Variants in NLK observed in about 807,000 individuals in gnomAD.
NLK encodes nemo like kinase, also known as serine/threonine-protein kinase NLK.
A neutral mutation model predicts 59.0 loss-of-function variants in NLK; 11 were observed. The observed-to-expected ratio is 0.19, with a 90% CI of 0.12 to 0.31. The LOEUF (loss-of-function observed/expected upper bound fraction) is 0.31, where lower values mean the gene tolerates loss of function less well. Ranked by LOEUF, NLK falls within the 10% of genes least tolerant of loss-of-function variation. The pLI is 1.00. For synonymous variants in NLK, 235 were observed against 235.9 expected (o/e 1.00, Z 0.03); for missense variants, 410 against 661.1 (o/e 0.62, Z 4.16).
chr17:28,171,744 AC>A lies in NLK; in HGVS notation c.1048-772del, dbSNP rs567725199. On this transcript the variant is annotated intron_variant, in intron 6 of 10. Coordinates refer to ENST00000407008, the MANE Select transcript of NLK (RefSeq NM_016231.5). ...TTGAAGCATCAGAATCCATTCATTA[AC>A]TGTTTGGAAAGAATAGTCATTAGGC... is the stretch of plus-strand genomic sequence containing the variant. 1.6e-3 allele frequency among the ~76,000 whole-genome samples: 237 copies of A among 152,284 alleles called. 1 individual carries two copies. The highest frequency in any genetic ancestry group is 5.0e-3 in the African/African-American group (206 of 41,556).
At chr17:28,058,134 AGCTGGAGT>A (rs1205852109) in intron 1 of NLK, among the ~76,000 whole-genome samples, 1 of 152,244 alleles carries the variant, frequency 6.6e-6, no homozygotes, top group Non-Finnish European at 1.5e-5. Flanking sequence ...AGAATGAGGT[AGCTGGAGT>A]GCAAATCTAA....
chr17:28,154,611 TATAAA>T (rs991825433), intron 3 of NLK, among the ~76,000 whole-genome samples: 2 of 152,210 alleles, frequency 1.3e-5, no homozygotes, highest in Non-Finnish European at 2.9e-5. Flanking sequence ...TTTGAAATGA[TATAAA>T]AGAATATATA....
At chr17:28,099,908 G>T (rs1034517810) in intron 1 of NLK, among the ~76,000 whole-genome samples, 1 of 152,048 alleles carries the variant, frequency 6.6e-6, no homozygotes, top group Non-Finnish European at 1.5e-5. Context: ...ATAATGTTTT[G>T]AGATCCATCC....
At chr17:28,090,686 CAT>C (rs1253530936) in intron 1 of NLK, among the ~76,000 whole-genome samples, 3 of 152,022 alleles carry the variant, frequency 2.0e-5, no homozygotes, top group African/African-American at 7.2e-5. Flanking sequence ...TTGTTAAAAA[CAT>C]AGCGGGAGCT....
intron 3 of NLK, among the ~76,000 whole-genome samples, chr17:28,160,832 C>CT (rs1907975884): frequency 6.6e-6 from 1 of 152,162 alleles, no homozygotes; most frequent in Non-Finnish European, 1.5e-5. Flanking sequence ...TGTAATATGT[C>CT]TAAGTAGAGC....
At chr17:28,048,182 G>A (rs575642858) in intron 1 of NLK, 2 of 377,744 alleles carry the variant, frequency 5.3e-6, no homozygotes, top group East Asian at 7.5e-5. Context: ...AAAGAGTAGA[G>A]AATAAAAGTA....
At chr17:28,135,096 C>T (rs934049127) in intron 3 of NLK, among the ~76,000 whole-genome samples, 1 of 152,144 alleles carries the variant, frequency 6.6e-6, no homozygotes, top group Admixed American at 6.5e-5. Flanking sequence ...GAAAGAAATC[C>T]ATATAGTAGC....
chr17:28,107,068 C>G (rs1905196919), intron 1 of NLK, among the ~76,000 whole-genome samples: 2 of 152,062 alleles, frequency 1.3e-5, no homozygotes, highest in Admixed American at 1.3e-4. Context: ...ACACTAGTTG[C>G]AATAGGAAGC....
intron 2 of NLK, among the ~76,000 whole-genome samples, chr17:28,128,940 T>C (rs1003497987): frequency 4.6e-5 from 7 of 152,204 alleles, no homozygotes; most frequent in East Asian, 1.9e-4. Flanking sequence ...CTTTGTGATA[T>C]AGTCCAGTTC....
chr17:28,066,201 A>G (rs1298744226), intron 1 of NLK, among the ~76,000 whole-genome samples: 1 of 151,816 alleles, frequency 6.6e-6, no homozygotes, highest in Non-Finnish European at 1.5e-5. Flanking sequence ...CCTAAATTCA[A>G]CCCTCATCCT....
At chr17:28,142,030 C>A (rs1445935503) in intron 3 of NLK, among the ~76,000 whole-genome samples, 1 of 152,182 alleles carries the variant, frequency 6.6e-6, no homozygotes, top group African/African-American at 2.4e-5. Context: ...CTTGCCTTGC[C>A]TTCTCCAGAG....
At chr17:28,163,849 G>A (rs540581203) in intron 5 of NLK, among the ~76,000 whole-genome samples, 18 of 152,244 alleles carry the variant, frequency 1.2e-4, no homozygotes, top group African/African-American at 4.3e-4. Context: ...CACTGAAATT[G>A]GAATTGTAGT....
At chr17:28,120,684 GTGT>G (rs1567719536) in intron 1 of NLK, among the ~76,000 whole-genome samples, 1 of 152,030 alleles carries the variant, frequency 6.6e-6, no homozygotes, top group Non-Finnish European at 1.5e-5. Flanking sequence ...TGAAGTCATC[GTGT>G]TGTTAAAAAA....
rs150994723 is a variant in NLK at position 28,116,777 on chromosome 17, A to G, written c.459-5826A>G. ...AATATAAATTTTTTTCTAGTCCTCA[A>G]TGTTCCTATTACTGAACACATATCT... On this transcript the variant is annotated intron_variant, in intron 1 of 10. Coordinates refer to ENST00000407008, the MANE Select transcript of NLK (RefSeq NM_016231.5). Among the ~76,000 whole-genome samples, 121 of 152,302 alleles carry G rather than the reference A, an allele frequency of 7.9e-4. 1 individual carries two copies. Among genetic ancestry groups the G allele is most frequent in the Middle Eastern group, 3.4e-3 (1 of 294 alleles).
chr17:28,155,881 T>TAACCTGCATGTTGTGC (rs1210421399), intron 3 of NLK, among the ~76,000 whole-genome samples: 1 of 152,222 alleles, frequency 6.6e-6, no homozygotes, highest in Admixed American at 6.5e-5. Flanking sequence ...TATACCTATG[T>TAACCTGCATGTTGTGC]AACCTGCATG....
intron 2 of NLK, among the ~76,000 whole-genome samples, chr17:28,123,701 C>G: frequency 6.6e-6 from 1 of 152,040 alleles, no homozygotes. Context: ...ACATAGGCTA[C>G]CTTATTTATG....
At chr17:28,180,849 A>G (rs1235406717) in intron 7 of NLK, among the ~76,000 whole-genome samples, 1 of 152,238 alleles carries the variant, frequency 6.6e-6, no homozygotes, top group African/African-American at 2.4e-5. Context: ...TGTGTAAAAC[A>G]CATGTAAATT....
chr17:28,189,891 T>C lies in NLK; in HGVS notation c.1237-1130T>C, dbSNP rs1909248852. Among the ~76,000 whole-genome samples the C allele has an allele frequency of 5.3e-5, 8 of 152,342 alleles. No individual in the cohort carries two copies. In the South Asian group the frequency reaches 1.7e-3, roughly 32 times the overall value. On this transcript the variant is annotated intron_variant, in intron 8 of 10. Transcript: ENST00000407008. ...TATACGTTTGCCTGTTCCTGGTAGATAAACACCCGCTTTCTTCTGTGATTA... is the reference window on the plus strand; with the variant it reads ...TATACGTTTGCCTGTTCCTGGTAGACAAACACCCGCTTTCTTCTGTGATTA...
At chr17:28,077,127 G>A (rs553772200) in intron 1 of NLK, among the ~76,000 whole-genome samples, 1 of 129,936 alleles carries the variant, frequency 7.7e-6, no homozygotes, top group Admixed American at 8.8e-5. Context: ...CTTAGACAAG[G>A]TACAAACCTC....
Sources: allele counts gnomAD v4.1 joint callset (sites outside exome capture counted in the v4.1 genomes callset), GRCh38; gene constraint gnomAD v4.1.1; transcripts MANE v1.5; gene names NCBI Gene and HGNC (gene_info 2026-07-23, HGNC 2026-07-21).